TENM1: variants seen among roughly 807,000 people sequenced by gnomAD.
TENM1 encodes the protein teneurin transmembrane protein 1.
Under a neutral mutation model 174.8 loss-of-function variants are expected in TENM1, and 35 were observed. The observed-to-expected ratio is 0.20, with a 90% CI of 0.15 to 0.27. The LOEUF (loss-of-function observed/expected upper bound fraction) is 0.27, where lower values mean the gene tolerates loss of function less well. Among genes scored for constraint, TENM1 ranks in the 10% least tolerant of loss-of-function variants. The pLI is 1.00. For missense variants in TENM1, 1,633 were observed against 2,130.1 expected (o/e 0.77, Z 4.59); for synonymous variants, 781 against 798.7 (o/e 0.98, Z 0.37).
the TENM1 span, among the ~76,000 whole-genome samples, chrX:125,162,783 T>C: frequency 8.9e-6 from 1 of 111,757 alleles, no homozygotes; most frequent in African/African-American, 3.3e-5. Flanking sequence ...TATCTACATC[T>C]GCAGCTTGAA....
chrX:124,648,512 T>C (rs1353806290), intron 8 of TENM1, among the ~76,000 whole-genome samples: 2 of 112,498 alleles, frequency 1.8e-5, no homozygotes, highest in Admixed American at 1.9e-4. Context: ...AAATGTAGCA[T>C]TCAGCAAAGA....
intron 1 of TENM1, among the ~76,000 whole-genome samples, chrX:124,919,178 T>C (rs1029662574): frequency 1.8e-4 from 20 of 112,386 alleles, no homozygotes; most frequent in Non-Finnish European, 3.6e-4. Flanking sequence ...GAATGCCTTA[T>C]AGTGGTACTC....
chrX:124,467,883 C>T (rs904831144), intron 22 of TENM1, among the ~76,000 whole-genome samples: 2 of 109,696 alleles, frequency 1.8e-5, no homozygotes, highest in African/African-American at 6.6e-5. Context: ...CTCAGCCTCC[C>T]GAGTAGCTAG....
chrX:124,693,008 C>CAAAAAAAAAAAAAAAAA (rs576815327), intron 5 of TENM1, among the ~76,000 whole-genome samples: 5 of 33,550 alleles, frequency 1.5e-4, no homozygotes, highest in Non-Finnish European at 2.5e-4. Flanking sequence ...AACTCCATCT[C>CAAAAAAAAAAAAAAAAA]AAAAAAAAAA....
the TENM1 span, among the ~76,000 whole-genome samples, chrX:125,165,161 A>C: frequency 8.9e-6 from 1 of 111,853 alleles, no homozygotes; most frequent in Non-Finnish European, 1.9e-5. Flanking sequence ...TAGTTAACAA[A>C]ATTATACCAA....
At chrX:124,624,563 A>G (rs2050593940) in intron 11 of TENM1, among the ~76,000 whole-genome samples, 1 of 112,012 alleles carries the variant, frequency 8.9e-6, no homozygotes, top group Non-Finnish European at 1.9e-5. Context: ...ACAGATATGG[A>G]CAATGAAGCT....
intron 11 of TENM1, among the ~76,000 whole-genome samples, chrX:124,571,248 G>T (rs2843535): frequency 0.28 from 31,146 of 111,036 alleles, 3,368 homozygotes; most frequent in South Asian, 0.4. Context: ...CACTTAAAAA[G>T]AATTCATGAA....
the TENM1 span, among the ~76,000 whole-genome samples, chrX:125,168,496 C>A: frequency 9.0e-6 from 1 of 111,395 alleles, no homozygotes; most frequent in Non-Finnish European, 1.9e-5. Context: ...GTGGGCAGAA[C>A]TTATAACTTA....
chrX:125,029,558 G>A, the TENM1 span, among the ~76,000 whole-genome samples: 1 of 111,651 alleles, frequency 9.0e-6, no homozygotes, highest in African/African-American at 3.3e-5. Context: ...TTCCAATTTA[G>A]GTTGGTCAGA....
exon 25 of TENM1, chrX:124,420,318 C>T (rs748773432): frequency 1.6e-4 from 190 of 1,197,775 alleles, no homozygotes; most frequent in Non-Finnish European, 1.9e-4. Context: ...TACTCATAAA[C>T]GGTTGTCCAT....
intron 6 of TENM1, among the ~76,000 whole-genome samples, chrX:124,669,844 A>G (rs1190559585): frequency 8.9e-6 from 1 of 112,245 alleles, no homozygotes; most frequent in Non-Finnish European, 1.9e-5. Flanking sequence ...GGTGAGTAGA[A>G]TTTCTCTAAA....
At chrX:124,609,236 A>G (rs1190266112) in intron 11 of TENM1, among the ~76,000 whole-genome samples, 1 of 111,724 alleles carries the variant, frequency 9.0e-6, no homozygotes, top group East Asian at 2.8e-4. Context: ...ATTGTGGGAA[A>G]TCGTTTACTA....
At chrX:125,078,252 T>C in the TENM1 span, among the ~76,000 whole-genome samples, 1 of 111,929 alleles carries the variant, frequency 8.9e-6, no homozygotes, top group Non-Finnish European at 1.9e-5. Context: ...AGTTGTCACA[T>C]GGTTACTGAA....
intron 27 of TENM1, among the ~76,000 whole-genome samples, chrX:124,394,016 A>G (rs764238211): frequency 3.2e-4 from 36 of 112,785 alleles, no homozygotes; most frequent in Non-Finnish European, 6.2e-4. Context: ...TGTTATTTGT[A>G]TAACATAATG....
intron 1 of TENM1, among the ~76,000 whole-genome samples, chrX:124,928,331 A>G (rs1055884842): frequency 2.7e-5 from 3 of 111,757 alleles, no homozygotes; most frequent in African/African-American, 9.8e-5. Context: ...AAACCTCCAT[A>G]TTTTTCATAC....
At chrX:124,529,774 A>C in intron 16 of TENM1, 90 bp downstream of exon 19, 1 of 1,101,030 alleles carries the variant, frequency 9.1e-7, no homozygotes, top group Non-Finnish European at 1.2e-6. Flanking sequence ...AGATGGGTTT[A>C]CCATCACTGT....
At chrX:124,584,894 T>G (rs1416113628) in intron 11 of TENM1, among the ~76,000 whole-genome samples, 1 of 109,824 alleles carries the variant, frequency 9.1e-6, no homozygotes, top group Non-Finnish European at 1.9e-5. Flanking sequence ...TCCTAGTCTC[T>G]GATAAAACAG....
chrX:124,742,686 T>C (rs1197653503), intron 3 of TENM1, among the ~76,000 whole-genome samples: 2 of 111,026 alleles, frequency 1.8e-5, no homozygotes, highest in Admixed American at 9.7e-5. Flanking sequence ...TGAAAAATTC[T>C]AAATTCTGAA....
chrX:124,821,567 A>T (rs1178078058), intron 3 of TENM1, among the ~76,000 whole-genome samples: 2 of 112,481 alleles, frequency 1.8e-5, no homozygotes, highest in Non-Finnish European at 3.8e-5. Context: ...ATGACTCTTT[A>T]AAAGCAAAAG....
Sources: allele counts gnomAD v4.1 joint callset (sites outside exome capture counted in the v4.1 genomes callset), GRCh38; gene constraint gnomAD v4.1.1; transcripts MANE v1.5; gene names NCBI Gene and HGNC (gene_info 2026-07-23, HGNC 2026-07-21).